ACTN2: variants seen among roughly 807,000 people sequenced by gnomAD.
ACTN2 encodes actinin alpha 2, also known as alpha-actinin-2.
A neutral mutation model predicts 113.8 loss-of-function variants in ACTN2; 39 were observed. The observed-to-expected ratio is 0.34, with a 90% CI of 0.27 to 0.45. The LOEUF (loss-of-function observed/expected upper bound fraction) is 0.45. ACTN2 is among the 20% of genes least tolerant of loss of function. The pLI is 1.00. For synonymous variants in ACTN2, 429 were observed against 444.1 expected, an observed-to-expected ratio of 0.97 and a Z score of 0.43; for missense variants, 992 against 1,177.9, an observed-to-expected ratio of 0.84 and a Z score of 2.31.
At chr1:236,687,509 G>A (rs1246464882) in intron 1 of ACTN2, among the ~76,000 whole-genome samples, 1 of 152,204 alleles carries the variant, frequency 6.6e-6, no homozygotes, top group Non-Finnish European at 1.5e-5. Context: ...TCACCAGGAG[G>A]CTTAATCCCG....
intron 12 of ACTN2, among the ~76,000 whole-genome samples, chr1:236,745,508 C>T (rs542548313): frequency 6.6e-6 from 1 of 152,334 alleles, no homozygotes; most frequent in Non-Finnish European, 1.5e-5. Flanking sequence ...GACGTCAGGA[C>T]CCCACTTTGC....
At chr1:236,757,318 A>C (rs577656283) in intron 17 of ACTN2, among the ~76,000 whole-genome samples, 168 bp from the exon 18 acceptor site, 2 of 152,314 alleles carry the variant, frequency 1.3e-5, no homozygotes, top group African/African-American at 4.8e-5. Context: ...CTCACTACAG[A>C]ATCTTGCAAC....
intron 1 of ACTN2, among the ~76,000 whole-genome samples, chr1:236,702,156 T>G (rs763305580): frequency 1.3e-5 from 2 of 152,208 alleles, no homozygotes; most frequent in South Asian, 2.1e-4. Flanking sequence ...AAGTAGCGCT[T>G]CATTGAGCAA....
chr1:236,749,162 C>T lies in ACTN2; in HGVS notation c.1554C>T (p.His518=). ...EKLLETIDQL[H]LEFAKRAAPF... is the part of the protein sequence containing the mutation. The stretch of plus-strand genomic sequence containing the variant: ...TGCTAGAAACCATTGATCAGCTTCA[C>T]CTGGAGTTTGCCAAGAGGGCTGCTC... The change falls in exon 14 of 21, where the codon CAC becomes CAT. Residue 518 remains histidine (H), a synonymous_variant. Coordinates refer to ENST00000366578, the MANE Select transcript of ACTN2 (RefSeq NM_001103.4). 1.2e-6 allele frequency: 2 copies of T among 1,614,168 alleles called. No homozygotes were observed. The highest frequency in any genetic ancestry group is 2.2e-5 in the South Asian group (2 of 91,078).
chr1:236,741,998 C>T (rs1001370817), intron 10 of ACTN2, among the ~76,000 whole-genome samples: 1 of 152,194 alleles, frequency 6.6e-6, no homozygotes, highest in African/African-American at 2.4e-5. Flanking sequence ...CACAGCACAT[C>T]CCCTCTTGGG....
intron 3 of ACTN2, among the ~76,000 whole-genome samples, chr1:236,719,877 C>T (rs1658332489): frequency 6.6e-6 from 1 of 151,546 alleles, no homozygotes; most frequent in Admixed American, 6.6e-5. Context: ...AATACATATG[C>T]AAGATTTGTG....
chr1:236,695,593 A>G (rs1306139084), intron 1 of ACTN2, among the ~76,000 whole-genome samples: 2 of 106,846 alleles, frequency 1.9e-5, no homozygotes, highest in Non-Finnish European at 3.5e-5. Flanking sequence ...GAAAACCTTC[A>G]CCCACTTAAT....
chr1:236,705,427 A>G (rs1364550037), intron 1 of ACTN2, among the ~76,000 whole-genome samples: 1 of 152,242 alleles, frequency 6.6e-6, no homozygotes, highest in Non-Finnish European at 1.5e-5. Context: ...GTAAGCCGTT[A>G]CAACCAGTCC....
In ACTN2 at chr1:236,707,816, A is replaced by T. The variant is rs746856119; in HGVS notation, c.127-10042A>T. ...AACCTCCGCCTCCTGGGTTCAAGCG[A>T]TTCTTCTGCCTCAGCCTCCCAAGTA... On this transcript the variant is annotated intron_variant, in intron 1 of 20. Transcript: ENST00000366578. 1.4e-4 allele frequency among the ~76,000 whole-genome samples: 20 copies of T among 143,906 alleles called. No individual in the cohort carries two copies. In the Middle Eastern group the frequency reaches 0.012, roughly 87 times the overall value. The allele number at this position is 143,906 out of a possible 152,430, so 94.4% of individuals were successfully genotyped here. A position where few individuals can be genotyped will look rare whatever the true frequency, so the allele number is the denominator to read the frequency against.
rs1658172079 is a variant in ACTN2, at chr1:236,715,534, C to T, written c.127-2324C>T. ...ATCCAATACTACTAGCCATATGTGG[C>T]TTTTGATCACTTAAAACATGACTTG... is the stretch of plus-strand genomic sequence containing the variant. On this transcript the variant is annotated intron_variant, in intron 1 of 20. Transcript: ENST00000366578. 3.3e-5 allele frequency among the ~76,000 whole-genome samples: 5 copies of T among 151,944 alleles called. No homozygotes were observed. The South Asian group carries it at 1.0e-3, about 32-fold the overall frequency.
rs1384379468 is a variant in ACTN2 at position 236,751,505 on chromosome 1, G to A, written c.1692G>A (p.Thr564=). ...LITAHEQFKA[T]LPEADGERQS... ...CTGCGCATGAGCAGTTCAAGGCCACGCTGCCCGAGGCGGACGGAGAGCGGC... is the reference window on the plus strand; with the variant it reads ...CTGCGCATGAGCAGTTCAAGGCCACACTGCCCGAGGCGGACGGAGAGCGGC... The change falls in exon 15 of 21, where the codon ACG becomes ACA. Residue 564 remains threonine (T), a synonymous_variant. Transcript: ENST00000366578. 1.4e-5 allele frequency: 22 copies of A among 1,614,000 alleles called. No homozygotes were observed. In the East Asian group the frequency reaches 2.7e-4, roughly 20 times the overall value.
In ACTN2 at chr1:236,736,987, C is replaced by T. The variant is rs1413954733; in HGVS notation, c.784-135C>T. On this transcript the variant is annotated intron_variant, in intron 8 of 20. Coordinates refer to ENST00000366578, the MANE Select transcript of ACTN2 (RefSeq NM_001103.4). Reference sequence around the variant, plus strand: ...GCATAAGCCATGCCTTCAGTCTGACCGCACCCTAAGCTAGACTCTGCACCG... The same window carrying T: ...GCATAAGCCATGCCTTCAGTCTGACTGCACCCTAAGCTAGACTCTGCACCG... The T allele has an allele frequency of 3.9e-5, 28 of 712,748 alleles. No homozygotes were observed. In the East Asian group the frequency reaches 7.3e-4, roughly 19 times the overall value. 44.2% of individuals were successfully genotyped at this position (712,748 alleles called of 1,614,324 possible). A position where few individuals can be genotyped will look rare whatever the true frequency, so the allele number is the denominator to read the frequency against.
chr1:236,752,359 C>T (rs990698714), intron 15 of ACTN2, among the ~76,000 whole-genome samples: 5 of 151,808 alleles, frequency 3.3e-5, no homozygotes, highest in African/African-American at 1.2e-4. Flanking sequence ...GCGCAAAAGA[C>T]AAAAACAGGT....
At chr1:236,692,679 C>A (rs1431730890) in intron 1 of ACTN2, among the ~76,000 whole-genome samples, 1 of 152,062 alleles carries the variant, frequency 6.6e-6, no homozygotes, top group African/African-American at 2.4e-5. Context: ...TTCTGAGGCA[C>A]AAAAAACACT....
chr1:236,706,648 A>T (rs1298901958), intron 1 of ACTN2, among the ~76,000 whole-genome samples: 1 of 152,220 alleles, frequency 6.6e-6, no homozygotes, highest in Admixed American at 6.5e-5. Flanking sequence ...TTCAGTGTCT[A>T]TATCAATGTA....
At chr1:236,713,049 G>T (rs1658081612) in intron 1 of ACTN2, among the ~76,000 whole-genome samples, 1 of 151,522 alleles carries the variant, frequency 6.6e-6, no homozygotes, top group Non-Finnish European at 1.5e-5. Flanking sequence ...GATGGGGCCT[G>T]GGGTGTATTT....
intron 1 of ACTN2, among the ~76,000 whole-genome samples, chr1:236,689,299 TGATA>T (rs1289990594): frequency 9.7e-6 from 1 of 103,358 alleles, no homozygotes; most frequent in East Asian, 2.6e-4. Context: ...ATTACAGATG[TGATA>T]TATATATATA....
At chr1:236,705,333 CAAAT>C (rs1657793696) in intron 1 of ACTN2, among the ~76,000 whole-genome samples, 1 of 152,078 alleles carries the variant, frequency 6.6e-6, no homozygotes, top group Admixed American at 6.6e-5. Context: ...ATACAATTCT[CAAAT>C]AAAAGTAGAA....
intron 7 of ACTN2, among the ~76,000 whole-genome samples, chr1:236,733,318 A>T (rs1424220605): frequency 1.3e-5 from 2 of 152,224 alleles, no homozygotes; most frequent in Admixed American, 6.5e-5. Context: ...CTATTCACTC[A>T]CGTAGAATTA....
Sources: allele counts gnomAD v4.1 joint callset (sites outside exome capture counted in the v4.1 genomes callset), GRCh38; gene constraint gnomAD v4.1.1; transcripts MANE v1.5; gene names NCBI Gene and HGNC (gene_info 2026-07-23, HGNC 2026-07-21).